TACC3: variants seen among roughly 807,000 people sequenced by gnomAD.
The protein encoded by TACC3 is transforming acidic coiled-coil-containing protein 3.
TACC3 carries 52 observed loss-of-function variants against 86.0 expected under a neutral mutation model. That is an observed-to-expected ratio of 0.60 (90% CI 0.48 to 0.76). The LOEUF is 0.76. TACC3 is among the 30% of genes least tolerant of loss of function. The pLI is 0.00. For synonymous variants in TACC3, 512 were observed against 430.0 expected (o/e 1.19, Z -2.36); for missense variants, 1,120 against 1,070.4 (o/e 1.05, Z -0.65).
At chr4:1,726,677 C>G (rs1262348795) in intron 3 of TACC3, among the ~76,000 whole-genome samples, 2 of 152,202 alleles carry the variant, frequency 1.3e-5, no homozygotes, top group Non-Finnish European at 2.9e-5. Context: ...ATATGACTTA[C>G]AGGCCCACAG....
rs1718193146 is a variant in TACC3 at position 1,735,215 on chromosome 4, C to T, written c.1592-58C>T. 8 of 1,608,460 alleles carry T rather than the reference C, an allele frequency of 5.0e-6. No homozygotes were observed. The highest frequency in any genetic ancestry group is 2.2e-5 in the South Asian group (2 of 90,908). On this transcript the variant is annotated intron_variant, in intron 6 of 15. Coordinates refer to ENST00000313288, the MANE Select transcript of TACC3 (RefSeq NM_006342.3). This position sits in a 1 kb window ranked among gnomAD's most constrained non-coding sequence, Gnocchi z 4.2. ...CTGAGTGCTGAGGGAGACACCAGCC[C>T]GCCGCCCTTAGGGCCCTGGTGAGGG...
Position 1,737,613 on chromosome 4 carries a change from C to A in TACC3, c.1852C>A (p.Pro618Thr), listed in dbSNP as rs879559609. The A allele has an allele frequency of 2.6e-6, 4 of 1,520,718 alleles. No individual in the cohort carries two copies. The highest frequency in any genetic ancestry group is 1.2e-5 in the South Asian group (1 of 80,286). 94.2% of individuals were successfully genotyped at this position (1,520,718 alleles called of 1,614,324 possible). ...TCTCCCGCAGGTGCCAGGCCCACCC[C>A]CAGGTGTTCCCGCGCCTGGGGGCCC... Reference protein sequence around the residue: ...ALDIPVPGPPPGVPAPGGPPL... With the variant: ...ALDIPVPGPPTGVPAPGGPPL... Residue 618 changes from proline to threonine, a missense_variant, in exon 10 of 16, where the codon CCA becomes ACA. Coordinates refer to ENST00000313288, the MANE Select transcript of TACC3 (RefSeq NM_006342.3).
intron 3 of TACC3, 96 bp downstream of exon 3, chr4:1,723,966 G>A: frequency 1.4e-6 from 2 of 1,400,728 alleles, no homozygotes; most frequent in East Asian, 2.3e-5. Context: ...GGCCTTGGCT[G>A]GATTTTTTGT....
intron 6 of TACC3, among the ~76,000 whole-genome samples, chr4:1,731,667 G>T (rs749765103): frequency 6.6e-6 from 1 of 151,638 alleles, no homozygotes. Flanking sequence ...AGATAGTCTC[G>T]CTCTGTCACC....
chr4:1,727,080 G>A (rs1216407855), intron 3 of TACC3, among the ~76,000 whole-genome samples: 2 of 151,698 alleles, frequency 1.3e-5, no homozygotes, highest in African/African-American at 2.4e-5. Context: ...GCAGTGAGCC[G>A]AGATCATGCC....
In TACC3 at chr4:1,735,293, G is replaced by C; in HGVS notation, c.1612G>C (p.Val538Leu). 6.2e-7 allele frequency: 1 copy of C among 1,614,076 alleles called. No homozygotes were observed. Among genetic ancestry groups the C allele is most frequent in the Non-Finnish European group, 8.5e-7 (1 of 1,180,034 alleles). ...PAEVLGTGAE[V>L]DYLEQFGTSS... Reference sequence around the variant, plus strand: ...CTCAGTTCTAGGCACGGGCGCGGAGGTGGATTACCTGGAGCAGTTTGGAAC... The same window carrying C: ...CTCAGTTCTAGGCACGGGCGCGGAGCTGGATTACCTGGAGCAGTTTGGAAC... The change falls in exon 7 of 16, where the codon GTG becomes CTG. Residue 538 changes from valine (V) to leucine (L), a missense_variant. Transcript: ENST00000313288. This position sits in a 1 kb window ranked among gnomAD's most constrained non-coding sequence, Gnocchi z 4.2.
In TACC3 at chr4:1,728,377, C is replaced by G; in HGVS notation, c.975C>G (p.Gly325=). ...TLSPQEEVAA[G]QMASSSRSGP... ...GTCCTCAGGAAGAAGTGGCTGCAGG[C>G]CAAATGGCCAGCTCCTCGAGGAGCG... Residue 325 remains glycine (G), a synonymous_variant, in exon 4 of 16, where the codon GGC becomes GGG. Transcript: ENST00000313288. The G allele has an allele frequency of 1.9e-6, 3 of 1,613,078 alleles. No individual in the cohort carries two copies. The highest frequency in any genetic ancestry group is 2.5e-6 in the Non-Finnish European group (3 of 1,180,004).
At chr4:1,727,389 C>T (rs1379488641) in intron 3 of TACC3, among the ~76,000 whole-genome samples, 1 of 152,160 alleles carries the variant, frequency 6.6e-6, no homozygotes, top group African/African-American at 2.4e-5. Flanking sequence ...CCTGGCAAAG[C>T]GCGTGATGAG....
intron 3 of TACC3, among the ~76,000 whole-genome samples, chr4:1,724,873 A>G (rs1272409308): frequency 7.0e-6 from 1 of 142,652 alleles, no homozygotes; most frequent in Non-Finnish European, 1.5e-5. Context: ...GCAGTCCTCC[A>G]CCTTGGCCTC....
In TACC3 at chr4:1,728,036, C is replaced by T. The variant is rs1440786729; in HGVS notation, c.634C>T (p.His212Tyr). The T allele has an allele frequency of 6.2e-7, 1 of 1,612,862 alleles. No homozygotes were observed. Among genetic ancestry groups the T allele is most frequent in the Non-Finnish European group, 8.5e-7 (1 of 1,179,974 alleles). Reference sequence around the variant, plus strand: ...AGACCCTTGCAGGACAGAGTCCCAGCACAAAGCGGAGACTCCGCACGGAGC... The same window carrying T: ...AGACCCTTGCAGGACAGAGTCCCAGTACAAAGCGGAGACTCCGCACGGAGC... ...LEDPCRTESQ[H>Y]KAETPHGAEE... The change falls in exon 4 of 16, where the codon CAC becomes TAC. Residue 212 changes from histidine to tyrosine, a missense_variant. Physicochemically the swap from His to Tyr is moderately conservative, Grantham distance 83 (BLOSUM62 2). Coordinates refer to ENST00000313288, the MANE Select transcript of TACC3 (RefSeq NM_006342.3).
At chr4:1,740,452 C>T (rs755409279) in intron 12 of TACC3, 1 of 301,132 alleles carries the variant, frequency 3.3e-6, no homozygotes, top group Non-Finnish European at 6.2e-6. Flanking sequence ...GAGTGTCAGC[C>T]GGCGGCAGGT....
upstream of TACC3, chr4:1,721,447 G>GC (rs1351453417): frequency 6.6e-6 from 1 of 152,016 alleles, no homozygotes; most frequent in Non-Finnish European, 1.5e-5. Context: ...CTGCGGTCCT[G>GC]CCCCCGGCCG....
At chr4:1,730,184 A>T (rs955618012) in intron 4 of TACC3, among the ~76,000 whole-genome samples, 1 of 151,876 alleles carries the variant, frequency 6.6e-6, no homozygotes, top group African/African-American at 2.4e-5. Context: ...GACTGCAGGC[A>T]CCCGCCACCA....
chr4:1,744,446 C>T, intron 13 of TACC3, 72 bp from the exon 14 acceptor site: 2 of 1,398,758 alleles, frequency 1.4e-6, no homozygotes, highest in Non-Finnish European at 2.0e-6. Flanking sequence ...ATCTGCAGGT[C>T]CCCAGACACC....
rs756778960 is a variant in TACC3, at chr4:1,744,994, C to G, written c.2498C>G (p.Ser833Cys). 1.2e-6 allele frequency: 2 copies of G among 1,609,836 alleles called. No homozygotes were observed. Among genetic ancestry groups the G allele is most frequent in the African/African-American group, 2.7e-5 (2 of 75,004 alleles). The change falls in exon 16 of 16, where the codon TCC becomes TGC. Residue 833 changes from serine (S) to cysteine (C), a missense_variant. Ser to Cys is a moderately radical substitution (Grantham distance 112). Transcript: ENST00000313288. The stretch of plus-strand genomic sequence containing the variant: ...ACCAGGATCTGCGACGACCTCATCT[C>G]CAAGATGGAGAAGATCTGACCTCCA... ...ELTRICDDLISKMEKI is the reference protein window; with the variant it reads ...ELTRICDDLICKMEKI
At chr4:1,740,283 T>C in intron 12 of TACC3, 1 of 547,294 alleles carries the variant, frequency 1.8e-6, no homozygotes, top group African/African-American at 1.9e-5. Flanking sequence ...GCAGAGTCTG[T>C]CCCGCCGTGG....
intron 4 of TACC3, chr4:1,730,417 A>G: frequency 3.9e-6 from 1 of 255,240 alleles, no homozygotes; most frequent in South Asian, 4.1e-5. Flanking sequence ...GATTAACGAT[A>G]TTCATATATA....
intron 6 of TACC3, among the ~76,000 whole-genome samples, chr4:1,733,926 C>T (rs1211401757): frequency 2.0e-5 from 3 of 149,664 alleles, no homozygotes; most frequent in South Asian, 2.1e-4. Context: ...TGCAGTGAGC[C>T]GAGATGGCGC....
chr4:1,731,504 T>A (rs1008170265), intron 6 of TACC3, among the ~76,000 whole-genome samples: 14 of 152,264 alleles, frequency 9.2e-5, no homozygotes, highest in Admixed American at 6.5e-5. Context: ...ACCTTTAACA[T>A]AAAAGACTTC....
Sources: allele counts gnomAD v4.1 joint callset (sites outside exome capture counted in the v4.1 genomes callset), GRCh38; gene constraint gnomAD v4.1.1; non-coding constraint Gnocchi (gnomAD v3.1); transcripts MANE v1.5; gene names NCBI Gene and HGNC (gene_info 2026-07-23, HGNC 2026-07-21).